The following EFR3A variants were observed in gnomAD, a reference collection of about 807,000 sequenced individuals.
EFR3A encodes EFR3 homolog A, also known as protein EFR3 homolog A.
In EFR3A, 76 loss-of-function variants were observed where a neutral mutation model predicts 104.4. The ratio of observed to expected loss-of-function variants is 0.73; its 90% CI spans 0.60 to 0.88. The LOEUF (loss-of-function observed/expected upper bound fraction) is 0.88. EFR3A is among the 40% of genes least tolerant of loss of function. The pLI is 0.00. For synonymous variants in EFR3A, 330 were observed against 330.0 expected, an observed-to-expected ratio of 1.00 and a Z score of 0.00; for missense variants, 985 against 1,012.5, an observed-to-expected ratio of 0.97 and a Z score of 0.37.
chr8:131,904,333 G>A lies in EFR3A; in HGVS notation c.10+11G>A. ...TCGCCATGCCTACCCGTGAGTGGCC[G>A]GCCGAGGGCCGGGGGCGTTGGGAGG... On this transcript the variant is annotated intron_variant, in intron 1 of 22. Transcript: ENST00000254624. 2 of 1,250,978 alleles carry A rather than the reference G, an allele frequency of 1.6e-6. No individual in the cohort carries two copies. Among genetic ancestry groups the A allele is most frequent in the Non-Finnish European group, 1.0e-6 (1 of 996,656 alleles). 77.5% of individuals were successfully genotyped at this position (1,250,978 alleles called of 1,614,324 possible).
chr8:131,949,639 T>TA (rs1365588042), intron 4 of EFR3A, among the ~76,000 whole-genome samples: 3 of 151,452 alleles, frequency 2.0e-5, no homozygotes, highest in Non-Finnish European at 4.4e-5. Context: ...CCCCCATTGT[T>TA]ACAAAAATAA....
chr8:131,930,516 C>T (rs1237362274), intron 1 of EFR3A, among the ~76,000 whole-genome samples: 3 of 149,070 alleles, frequency 2.0e-5, no homozygotes, highest in Admixed American at 1.3e-4. Flanking sequence ...TTTAGAAAAA[C>T]GTGGAAAATT....
At chr8:131,946,105 G>A (rs954313067) in intron 3 of EFR3A, among the ~76,000 whole-genome samples, 1 of 151,944 alleles carries the variant, frequency 6.6e-6, no homozygotes, top group Non-Finnish European at 1.5e-5. Flanking sequence ...AGACATATAA[G>A]TAGATTATAT....
chr8:131,978,707 G>T, intron 12 of EFR3A, 140 bp from the exon 13 acceptor site: 1 of 643,222 alleles, frequency 1.6e-6, no homozygotes. Context: ...TCATTACTTT[G>T]CACATTTCTT....
intron 5 of EFR3A, 44 bp from the exon 6 acceptor site, chr8:131,953,774 A>T: frequency 1.4e-6 from 2 of 1,478,034 alleles, no homozygotes; most frequent in South Asian, 1.4e-5. Flanking sequence ...TGTTTAAATA[A>T]TTTTTTTATG....
At chr8:131,936,186 T>G (rs183177923) in intron 1 of EFR3A, among the ~76,000 whole-genome samples, 146 of 152,230 alleles carry the variant, frequency 9.6e-4, no homozygotes, top group African/African-American at 3.4e-3. Flanking sequence ...TCACTACTGT[T>G]TAGGGACTAA....
chr8:131,972,489 G>T (rs767539966), intron 10 of EFR3A, among the ~76,000 whole-genome samples: 1 of 150,168 alleles, frequency 6.7e-6, no homozygotes, highest in Admixed American at 6.6e-5. Flanking sequence ...TGTAGTCAAA[G>T]TACAAACAGT....
At chr8:131,999,739 A>G (rs1329719529) in intron 19 of EFR3A, among the ~76,000 whole-genome samples, 2 of 151,932 alleles carry the variant, frequency 1.3e-5, no homozygotes, top group African/African-American at 2.4e-5. Flanking sequence ...TGAGTGGGAG[A>G]TAAGATTGAA....
intron 10 of EFR3A, among the ~76,000 whole-genome samples, chr8:131,971,119 T>G (rs917891674): frequency 6.6e-6 from 1 of 152,192 alleles, no homozygotes; most frequent in Non-Finnish European, 1.5e-5. Flanking sequence ...ATAACCAGAG[T>G]AAAATTGTCA....
chr8:131,977,790 C>A (rs895726016), intron 12 of EFR3A, among the ~76,000 whole-genome samples: 1 of 151,946 alleles, frequency 6.6e-6, no homozygotes, highest in Non-Finnish European at 1.5e-5. Context: ...GTTTATGGCG[C>A]TTGTCATTTA....
chr8:131,961,783 G>GA (rs1463993181), intron 8 of EFR3A, among the ~76,000 whole-genome samples: 1 of 152,172 alleles, frequency 6.6e-6, no homozygotes, highest in Non-Finnish European at 1.5e-5. Context: ...TGAAATGAAG[G>GA]AAAAAATATT....
At chr8:131,973,375 G>A (rs1389593057) in intron 10 of EFR3A, among the ~76,000 whole-genome samples, 1 of 151,834 alleles carries the variant, frequency 6.6e-6, no homozygotes. Flanking sequence ...GATTTACATT[G>A]CTTTAATGAC....
At chr8:131,933,316 G>A (rs996573269) in intron 1 of EFR3A, among the ~76,000 whole-genome samples, 1 of 152,122 alleles carries the variant, frequency 6.6e-6, no homozygotes, top group African/African-American at 2.4e-5. Context: ...ACATGGTCTT[G>A]AAAATAGGAA....
At chr8:131,978,546 G>A (rs1028272151) in intron 12 of EFR3A, among the ~76,000 whole-genome samples, 13 of 152,184 alleles carry the variant, frequency 8.5e-5, no homozygotes, top group African/African-American at 2.9e-4. Flanking sequence ...TATGAATGGC[G>A]ATTCACTAGT....
intron 19 of EFR3A, chr8:132,000,645 A>G (rs1013253601): frequency 1.3e-5 from 2 of 152,208 alleles, no homozygotes; most frequent in Non-Finnish European, 2.9e-5. Context: ...CAAAAGTCAG[A>G]AGCTCCTAGC....
At chr8:132,006,237 G>T (rs932949205) in intron 22 of EFR3A, among the ~76,000 whole-genome samples, 2 of 152,016 alleles carry the variant, frequency 1.3e-5, no homozygotes, top group Non-Finnish European at 2.9e-5. Flanking sequence ...CAATGAAACA[G>T]AAAATAGGCA....
intron 1 of EFR3A, among the ~76,000 whole-genome samples, chr8:131,922,257 T>C (rs920744597): frequency 2.6e-5 from 4 of 152,130 alleles, no homozygotes; most frequent in African/African-American, 9.7e-5. Flanking sequence ...ATCTTGATTA[T>C]ATCTGCAAAG....
rs545398437 is a variant in EFR3A, at chr8:131,994,793, T to C, written c.2066-1613T>C. Among the ~76,000 whole-genome samples, 6 of 152,244 alleles carry C rather than the reference T, an allele frequency of 3.9e-5. No individual in the cohort carries two copies. In the South Asian group the frequency reaches 1.0e-3, roughly 26 times the overall value. On this transcript the variant is annotated intron_variant, in intron 18 of 22. Coordinates refer to ENST00000254624, the MANE Select transcript of EFR3A (RefSeq NM_015137.6). Reference sequence around the variant, plus strand: ...GAATTGATTAATAAGAAACTGGAAATGTTGAACTCAGAAAAGGAGGTGCCG... The same window carrying C: ...GAATTGATTAATAAGAAACTGGAAACGTTGAACTCAGAAAAGGAGGTGCCG...
intron 5 of EFR3A, 140 bp downstream of exon 5, chr8:131,950,230 C>A: frequency 2.2e-6 from 2 of 924,578 alleles, no homozygotes; most frequent in Non-Finnish European, 3.1e-6. Flanking sequence ...GCTATAATTG[C>A]TGACTGAAGT....
Sources: allele counts gnomAD v4.1 joint callset (sites outside exome capture counted in the v4.1 genomes callset), GRCh38; gene constraint gnomAD v4.1.1; transcripts MANE v1.5; gene names NCBI Gene and HGNC (gene_info 2026-07-23, HGNC 2026-07-21).